Variants in ZDHHC22 observed in about 807,000 individuals in gnomAD.
The protein encoded by ZDHHC22 is palmitoyltransferase ZDHHC22.
Under a neutral mutation model 17.0 loss-of-function variants are expected in ZDHHC22, and 13 were observed. The observed-to-expected ratio is 0.76, with a 90% CI of 0.50 to 1.21. The LOEUF is 1.21. ZDHHC22 is among the 50% of genes most tolerant of loss of function. The pLI is 0.00. For missense variants in ZDHHC22, 319 were observed against 342.3 expected (o/e 0.93, Z 0.54); for synonymous variants, 138 against 154.7 (o/e 0.89, Z 0.80).
In ZDHHC22 at chr14:77,140,464, T is replaced by TA. The variant is rs1258492849; in HGVS notation, c.-14-713dup. 6.6e-6 allele frequency: 1 copy of TA among 152,044 alleles called. No individual in the cohort carries two copies. The highest frequency in any genetic ancestry group is 2.1e-4 in the South Asian group (1 of 4,810). 9.4% of individuals were successfully genotyped at this position (152,044 alleles called of 1,614,324 possible). On this transcript the variant is annotated intron_variant, in intron 1 of 2. Transcript: ENST00000319374. This position sits in a 1 kb window ranked among gnomAD's most constrained non-coding sequence, Gnocchi z 5.9. Reference sequence around the variant, plus strand: ...ACACGCAGCCTCTGCTATCTAGCTTTAAAAAAATCAATTGAAACAATCGAT... The same window carrying TA: ...ACACGCAGCCTCTGCTATCTAGCTTTAAAAAAAATCAATTGAAACAATCGAT...
intron 2 of ZDHHC22, among the ~76,000 whole-genome samples, chr14:77,137,153 G>T (rs1240368692): frequency 6.6e-6 from 1 of 152,194 alleles, no homozygotes; most frequent in Non-Finnish European, 1.5e-5. Context: ...TGGGGTGTAT[G>T]TCATGGGAGG....
intron 2 of ZDHHC22, among the ~76,000 whole-genome samples, chr14:77,138,262 A>T (rs1331034333): frequency 6.6e-6 from 1 of 152,114 alleles, no homozygotes; most frequent in Non-Finnish European, 1.5e-5. Flanking sequence ...ATACTAGTTA[A>T]AGTGCAGTCC....
chr14:77,141,223 G>C (rs1188219648), intron 1 of ZDHHC22: 2 of 152,238 alleles, frequency 1.3e-5, no homozygotes, highest in Non-Finnish European at 2.9e-5. Context: ...CTGGGGCTCC[G>C]GCGAAGCAAG....
intron 2 of ZDHHC22, among the ~76,000 whole-genome samples, chr14:77,136,173 G>A (rs1300190808): frequency 6.6e-6 from 1 of 152,192 alleles, no homozygotes; most frequent in Non-Finnish European, 1.5e-5. Flanking sequence ...CAGAGAGGCA[G>A]CCCCCAAGAG....
In ZDHHC22 at chr14:77,133,595, T is replaced by C. The variant is rs1278065074; in HGVS notation, c.*88A>G. 21 of 1,520,706 alleles carry C rather than the reference T, an allele frequency of 1.4e-5. No homozygotes were observed. Among genetic ancestry groups the C allele is most frequent in the Non-Finnish European group, 1.9e-5 (21 of 1,128,488 alleles). The allele number at this position is 1,520,706 out of a possible 1,614,324, so 94.2% of individuals were successfully genotyped here. The stretch of plus-strand genomic sequence containing the variant: ...GGACCTTACCAGCACAAGGTTGTAG[T>C]GAGTCATGGGTGGAGACAAGGCTGC... On this transcript the variant is annotated 3_prime_UTR_variant, in exon 3 of 3. Coordinates refer to ENST00000319374, the MANE Select transcript of ZDHHC22 (RefSeq NM_174976.2).
At chr14:77,134,582 C>T (rs570331426) in intron 2 of ZDHHC22, among the ~76,000 whole-genome samples, 2 of 152,282 alleles carry the variant, frequency 1.3e-5, no homozygotes, top group African/African-American at 2.4e-5. Context: ...TGGCCACCAC[C>T]GCATTCCACC....
chr14:77,138,524 T>C (rs752817463), intron 2 of ZDHHC22, among the ~76,000 whole-genome samples: 1 of 151,906 alleles, frequency 6.6e-6, no homozygotes, highest in Non-Finnish European at 1.5e-5. Context: ...CTTTCACCAC[T>C]GCGCTTCAGC....
At chr14:77,135,240 C>T (rs1162591635) in intron 2 of ZDHHC22, among the ~76,000 whole-genome samples, 2 of 151,394 alleles carry the variant, frequency 1.3e-5, no homozygotes, top group Non-Finnish European at 2.9e-5. Flanking sequence ...CTATTCTGCC[C>T]TTGAAAATCT....
chr14:77,134,999 T>C (rs971446060), intron 2 of ZDHHC22, among the ~76,000 whole-genome samples: 1 of 152,196 alleles, frequency 6.6e-6, no homozygotes, highest in African/African-American at 2.4e-5. Context: ...TGAGTTCAAC[T>C]CCTGAAACTA....
chr14:77,141,261 G>C (rs1394417912), intron 1 of ZDHHC22: 3 of 151,904 alleles, frequency 2.0e-5, no homozygotes, highest in East Asian at 1.9e-4. Context: ...TCGCCAGGGG[G>C]GCGCGGGAGC....
intron 2 of ZDHHC22, among the ~76,000 whole-genome samples, chr14:77,138,907 T>G (rs992652055): frequency 2.6e-5 from 4 of 152,188 alleles, no homozygotes; most frequent in African/African-American, 9.7e-5. Flanking sequence ...TGTGAGCATA[T>G]GGACAGCATG....
rs1566813153 is a variant in ZDHHC22, at chr14:77,140,661, G to C, written c.-14-909C>G. On this transcript the variant is annotated intron_variant, in intron 1 of 2. Transcript: ENST00000319374. This position sits in a 1 kb window ranked among gnomAD's most constrained non-coding sequence, Gnocchi z 5.9. ...AATCCCCCCTTCGCGCCCGCCTCCC[G>C]CCCTCCTGCTGAGAGAAACCCAAAC... The C allele has an allele frequency of 6.6e-6, 1 of 151,950 alleles. No homozygotes were observed. The highest frequency in any genetic ancestry group is 1.5e-5 in the Non-Finnish European group (1 of 67,980). The allele number at this position is 151,950 out of a possible 1,614,324, so 9.4% of individuals were successfully genotyped here.
At chr14:77,138,840 G>T (rs1887186690) in intron 2 of ZDHHC22, among the ~76,000 whole-genome samples, 1 of 152,162 alleles carries the variant, frequency 6.6e-6, no homozygotes, top group South Asian at 2.1e-4. Flanking sequence ...TGGAGGAATG[G>T]CCAGCACCTA....
intron 2 of ZDHHC22, 34 bp downstream of exon 2, chr14:77,139,179 G>A (rs754898118): frequency 6.5e-7 from 1 of 1,542,238 alleles, no homozygotes; most frequent in Non-Finnish European, 8.8e-7. Context: ...AGGTCTTTGT[G>A]TAGAGCCCAA....
intron 2 of ZDHHC22, 100 bp from the exon 3 acceptor site, chr14:77,134,048 T>G (rs1400815699): frequency 2.2e-5 from 30 of 1,337,982 alleles, no homozygotes; most frequent in Non-Finnish European, 2.8e-5. Flanking sequence ...GGAGGGAGAT[T>G]AATGAGATTG....
Position 77,139,006 on chromosome 14 carries a change from A to C in ZDHHC22, c.526+207T>G, listed in dbSNP as rs140943515. On this transcript the variant is annotated intron_variant, in intron 2 of 2. Transcript: ENST00000319374. ...TTGCATTTCAGATAGCCAATAGCAA[A>C]TTTTCTCAGTGTATCTCATACAATA... is the stretch of plus-strand genomic sequence containing the variant. 2.3e-3 allele frequency among the ~76,000 whole-genome samples: 356 copies of C among 152,314 alleles called. 1 individual carries two copies. Among genetic ancestry groups the C allele is most frequent in the Non-Finnish European group, 4.0e-3 (273 of 68,032 alleles).
In ZDHHC22 at chr14:77,133,245, T is replaced by G; in HGVS notation, c.*438A>C. The G allele has an allele frequency of 6.2e-6, 1 of 160,578 alleles. No individual in the cohort carries two copies. Among genetic ancestry groups the G allele is most frequent in the Non-Finnish European group, 1.4e-5 (1 of 73,186 alleles). The allele number at this position is 160,578 out of a possible 1,614,324, so 9.9% of individuals were successfully genotyped here. The stretch of plus-strand genomic sequence containing the variant: ...TTGGCTGCCTCTTACACGTGGTGAT[T>G]TTAAACATTTGCCAGCCTCTAGGTC... On this transcript the variant is annotated 3_prime_UTR_variant, in exon 3 of 3. Transcript: ENST00000319374.
At position 77,140,161 on chromosome 14, in the gene ZDHHC22, A is replaced by G. The variant is rs1014749497; in HGVS notation, c.-14-409T>C. 1.3e-5 allele frequency among the ~76,000 whole-genome samples: 2 copies of G among 152,066 alleles called. No individual in the cohort carries two copies. Among genetic ancestry groups the G allele is most frequent in the Admixed American group, 6.5e-5 (1 of 15,276 alleles). ...CTGGTTCAGACCTCCCTAGGAGGAG[A>G]AAGGGAAGGATTTGGGGTCGGGGGC... On this transcript the variant is annotated intron_variant, in intron 1 of 2. Coordinates refer to ENST00000319374, the MANE Select transcript of ZDHHC22 (RefSeq NM_174976.2). The surrounding 1 kb of genome is among the most constrained non-coding windows in gnomAD (Gnocchi z 5.9).
In ZDHHC22 at chr14:77,132,032, G is replaced by A. The variant is rs2041822; in HGVS notation, c.*1651C>T. 31,662 of 152,144 alleles carry A rather than the reference G, an allele frequency of 0.21. 3,862 individuals carry two copies. Among genetic ancestry groups the A allele is most frequent in the East Asian group, 0.42 (2,163 of 5,170 alleles). The allele number at this position is 152,144 out of a possible 1,614,324, so 9.4% of individuals were successfully genotyped here. On this transcript the variant is annotated 3_prime_UTR_variant, in exon 3 of 3. Transcript: ENST00000319374. ...CTATCAGCGGGTCACTGCAGTTGGC[G>A]GTTGGACATTGCAGGGCATGGATTC...
Sources: gnomAD v4.1 joint callset for allele counts (sites outside exome capture counted in the v4.1 genomes callset) on GRCh38, gnomAD v4.1.1 for gene constraint, Gnocchi (gnomAD v3.1) non-coding constraint, MANE v1.5 for transcripts, NCBI Gene and HGNC (gene_info 2026-07-23, HGNC 2026-07-21) for gene names.